RASGRP4: variants seen among roughly 807,000 people sequenced by gnomAD.
RASGRP4 encodes RAS guanyl releasing protein 4.
RASGRP4 carries 52 observed loss-of-function variants against 84.4 expected under a neutral mutation model. The ratio of observed to expected loss-of-function variants is 0.62; its 90% confidence interval spans 0.49 to 0.78. The LOEUF is 0.78. Ranked by LOEUF, RASGRP4 falls within the 30% of genes least tolerant of loss-of-function variation. The probability of loss-of-function intolerance (pLI) is 0.00; values close to 1 mark genes in which losing one functional copy is unlikely to be tolerated. For synonymous variants in RASGRP4, 356 were observed against 359.1 expected, an observed-to-expected ratio of 0.99 and a Z score of 0.10; for missense variants, 760 against 886.9, an observed-to-expected ratio of 0.86 and a Z score of 1.82.
intron 1 of RASGRP4, among the ~76,000 whole-genome samples, chr19:38,425,785 G>C (rs914334804): frequency 1.3e-5 from 2 of 152,180 alleles, no homozygotes; most frequent in African/African-American, 4.8e-5. Context: ...CCCCCAGGGA[G>C]GGCAGAGACA....
In RASGRP4 at chr19:38,410,961, C is replaced by A; in HGVS notation, c.1890G>T (p.Glu630Asp). ...EENHSYTLSL[E>D]PETGCQLRHA... is the part of the protein sequence containing the mutation. ...GGCGAAGCTGGCACCCAGTCTCAGG[C>A]TCCAGGGATAGCGTGTAGGAGTGAT... The change falls in exon 16 of 17, where the codon GAG becomes GAT. Residue 630 changes from glutamate to aspartate, a missense_variant. By Grantham distance (45) the Glu-to-Asp change is conservative. Coordinates refer to ENST00000615439, the MANE Select transcript of RASGRP4 (RefSeq NM_170604.3). 1 of 1,602,986 alleles carries A rather than the reference C, an allele frequency of 6.2e-7. No individual in the cohort carries two copies. The highest frequency in any genetic ancestry group is 1.7e-5 in the Admixed American group (1 of 57,982).
intron 1 of RASGRP4, among the ~76,000 whole-genome samples, chr19:38,425,636 C>A (rs1208588162): frequency 1.3e-5 from 2 of 152,184 alleles, no homozygotes; most frequent in Non-Finnish European, 2.9e-5. Context: ...GTCCTGCAGC[C>A]CCCTGTAGGG....
chr19:38,419,098 A>G (rs1217500475), intron 6 of RASGRP4, among the ~76,000 whole-genome samples: 1 of 152,176 alleles, frequency 6.6e-6, no homozygotes, highest in African/African-American at 2.4e-5. Flanking sequence ...CACACATACA[A>G]TCGGGACAGT....
chr19:38,426,125 T>G lies in RASGRP4; in HGVS notation c.-34A>C, dbSNP rs1011720222. The G allele has an allele frequency of 7.6e-7, 1 of 1,316,600 alleles. No individual in the cohort carries two copies. The highest frequency in any genetic ancestry group is 9.8e-7 in the Non-Finnish European group (1 of 1,023,990). The allele number at this position is 1,316,600 out of a possible 1,614,324, so 81.6% of individuals were successfully genotyped here. A position where few individuals can be genotyped will look rare whatever the true frequency, so the allele number is the denominator to read the frequency against. On this transcript the variant is annotated 5_prime_UTR_variant, in exon 1 of 17. Coordinates refer to ENST00000615439, the MANE Select transcript of RASGRP4 (RefSeq NM_170604.3). Reference sequence around the variant, plus strand: ...CGTGGGGTGAGGAGGCCGGGGGTCTTGCAAGAGTAGGGCTCAGCTCCTCCC... The same window carrying G: ...CGTGGGGTGAGGAGGCCGGGGGTCTGGCAAGAGTAGGGCTCAGCTCCTCCC...
chr19:38,420,021 C>A lies in RASGRP4; in HGVS notation c.510-8G>T. ...GGGCCACCAGGGCTCAGGCTGGGGG[C>A]CAAGAGGGGCAGGGTATTGGAGTGG... On this transcript the variant is annotated splice_polypyrimidine_tract_variant and splice_region_variant and intron_variant, in intron 5 of 16. Transcript: ENST00000615439. 6.2e-7 allele frequency: 1 copy of A among 1,613,152 alleles called. No individual in the cohort carries two copies.
chr19:38,421,071 A>G lies in RASGRP4; in HGVS notation c.314+24T>C, dbSNP rs140972694. Reference sequence around the variant, plus strand: ...CGACTCTGCCCTCTGCCCTCCACCCATAGCTCACAGTCCTGGAGGATATGA... The same window carrying G: ...CGACTCTGCCCTCTGCCCTCCACCCGTAGCTCACAGTCCTGGAGGATATGA... On this transcript the variant is annotated intron_variant, in intron 3 of 16. Transcript: ENST00000615439. The G allele has an allele frequency of 3.1e-4, 504 of 1,610,138 alleles. 3 individuals are homozygous for G. In the East Asian group the frequency reaches 8.9e-3, roughly 28 times the overall value.
At chr19:38,420,035 G>C (rs1480635566) in intron 5 of RASGRP4, 22 bp from the exon 6 acceptor site, 1 of 1,612,104 alleles carries the variant, frequency 6.2e-7, no homozygotes. Flanking sequence ...GAGGGGCAGG[G>C]TATTGGAGTG....
Position 38,417,208 on chromosome 19 carries a change from G to A in RASGRP4, c.838-40C>T. ...ATGCACACAGGGCCGTCACGGGAGG[G>A]AGGGCAAGTCAGGAGTTCAGATGAC... On this transcript the variant is annotated intron_variant, in intron 7 of 16. Transcript: ENST00000615439. This position sits in a 1 kb window ranked among gnomAD's most constrained non-coding sequence, Gnocchi z 5.1. The A allele has an allele frequency of 2.9e-6, 4 of 1,359,756 alleles. No individual in the cohort carries two copies. The highest frequency in any genetic ancestry group is 4.1e-6 in the Non-Finnish European group (4 of 972,236). 84.2% of individuals were successfully genotyped at this position (1,359,756 alleles called of 1,614,324 possible). A position where few individuals can be genotyped will look rare whatever the true frequency, so the allele number is the denominator to read the frequency against.
At chr19:38,421,930 G>C (rs1971769795) in intron 2 of RASGRP4, 39 bp downstream of exon 2, 2 of 1,575,474 alleles carry the variant, frequency 1.3e-6, no homozygotes, top group South Asian at 2.3e-5. Context: ...CTGAGCCCGA[G>C]GTTAGGGCCA....
In RASGRP4 at chr19:38,409,161, C is replaced by G. The variant is rs902653492; in HGVS notation, c.*879G>C. The G allele has an allele frequency of 3.2e-6, 1 of 312,362 alleles. No individual in the cohort carries two copies. Among genetic ancestry groups the G allele is most frequent in the East Asian group, 6.6e-5 (1 of 15,062 alleles). The allele number at this position is 312,362 out of a possible 1,614,324, so 19.3% of individuals were successfully genotyped here. On this transcript the variant is annotated 3_prime_UTR_variant, in exon 17 of 17. Coordinates refer to ENST00000615439, the MANE Select transcript of RASGRP4 (RefSeq NM_170604.3). ...AAGGGGTTGGGGGGGTCTCTGCTCC[C>G]TGGGACTGAATGGGCCCCTGCTGCT...
rs757910257 is a variant in RASGRP4, at chr19:38,420,966, G to C, written c.319C>G (p.Gln107Glu). The change falls in exon 4 of 17, where the codon CAG (glutamine) becomes GAG (glutamate). Residue 107 changes from glutamine (Q) to glutamate (E), a missense_variant. Transcript: ENST00000615439. ...DLAARLLTSY[Q>E]KATGDTQELR... ...TCCTGGGTGTCCCCTGTGGCCTTCT[G>C]GTATTTGAGTTCTGGTCAAGGCTCT... 1 of 1,613,912 alleles carries C rather than the reference G, an allele frequency of 6.2e-7. No homozygotes were observed. The highest frequency in any genetic ancestry group is 8.5e-7 in the Non-Finnish European group (1 of 1,179,840).
In RASGRP4 at chr19:38,419,814, C is replaced by T. The variant is rs1294233202; in HGVS notation, c.663+46G>A. ...TTCCCCCAGCCAATCCCTCCCCTAC[C>T]CCAGTGTCTCCCCTGCTTGGGACGG... On this transcript the variant is annotated intron_variant, in intron 6 of 16. Transcript: ENST00000615439. 5 of 1,533,882 alleles carry T rather than the reference C, an allele frequency of 3.3e-6. No homozygotes were observed. The South Asian group carries it at 4.9e-5, about 15-fold the overall frequency.
rs775252271 is a variant in RASGRP4 at position 38,413,419 on chromosome 19, C to T, written c.1286G>A (p.Arg429Gln). The change falls in exon 10 of 17, where the codon CGG becomes CAG. Residue 429 changes from arginine to glutamine, a missense_variant. Arg to Gln is a conservative substitution (Grantham distance 43). Coordinates refer to ENST00000615439, the MANE Select transcript of RASGRP4 (RefSeq NM_170604.3). The surrounding 1 kb of genome is among the most constrained non-coding windows in gnomAD (Gnocchi z 4.7). ...CAGGCTCTTGGGACAACGCGGCTCC[C>T]GGGCATAAGAAAGCTCATAGATCTC... ...EDEIYELSYA[R>Q]EPRCPKSLPP... The T allele has an allele frequency of 4.4e-6, 7 of 1,607,726 alleles. No homozygotes were observed. Among genetic ancestry groups the T allele is most frequent in the East Asian group, 4.5e-5 (2 of 44,626 alleles).
intron 6 of RASGRP4, among the ~76,000 whole-genome samples, chr19:38,419,609 T>C (rs982813999): frequency 3.9e-5 from 6 of 152,150 alleles, no homozygotes; most frequent in Admixed American, 3.9e-4. Flanking sequence ...AATTTTTGTA[T>C]TTTTAGTAGA....
Position 38,424,616 on chromosome 19 carries a change from TGG to T in RASGRP4, c.23+1451_23+1452del, listed in dbSNP as rs113584388. Among the ~76,000 whole-genome samples the T allele has an allele frequency of 7.7e-3, 846 of 109,546 alleles. 20 individuals carry two copies. The highest frequency in any genetic ancestry group is 0.025 in the African/African-American group (763 of 30,642). 71.9% of individuals were successfully genotyped at this position (109,546 alleles called of 152,430 possible). A position where few individuals can be genotyped will look rare whatever the true frequency, so the allele number is the denominator to read the frequency against. On this transcript the variant is annotated intron_variant, in intron 1 of 16. Coordinates refer to ENST00000615439, the MANE Select transcript of RASGRP4 (RefSeq NM_170604.3). ...GTGTGTGTGTTTGGGTGTGTGTCAA[TGG>T]GGGGGGGGGTCTCACTATATTTCTC...
Position 38,412,912 on chromosome 19 carries a change from A to G in RASGRP4, c.1535+19T>C. On this transcript the variant is annotated intron_variant, in intron 12 of 16. Transcript: ENST00000615439. This position sits in a 1 kb window ranked among gnomAD's most constrained non-coding sequence, Gnocchi z 4.6. Reference sequence around the variant, plus strand: ...CAGTGTCCTCATCTTCGGAGGATCCAGGAGTCACAACCACTTACCCCTGGC... The same window carrying G: ...CAGTGTCCTCATCTTCGGAGGATCCGGGAGTCACAACCACTTACCCCTGGC... The G allele has an allele frequency of 1.9e-6, 3 of 1,613,658 alleles. No homozygotes were observed. The highest frequency in any genetic ancestry group is 2.5e-6 in the Non-Finnish European group (3 of 1,179,532).
rs147903500 is a variant in RASGRP4, at chr19:38,415,107, G to C, written c.971C>G (p.Thr324Ser). ...PDSTKALLEL[T>S]ELLASHNNYA... is the part of the protein sequence containing the mutation. ...GTTGTTGTGGGAGGCAAGGAGCTCA[G>C]TGAGCTCCAGGAGGGCCTGGGGAGG... The change falls in exon 9 of 17, where the codon ACT (threonine) becomes AGT (serine). Residue 324 changes from threonine (T) to serine (S), a missense_variant. Physicochemically the swap from Thr to Ser is moderately conservative, Grantham distance 58 (BLOSUM62 1). Coordinates refer to ENST00000615439, the MANE Select transcript of RASGRP4 (RefSeq NM_170604.3). 29 of 1,597,028 alleles carry C rather than the reference G, an allele frequency of 1.8e-5. No individual in the cohort carries two copies. The East Asian group carries it at 6.3e-4, about 35-fold the overall frequency.
In RASGRP4 at chr19:38,417,140, G is replaced by C; in HGVS notation, c.866C>G (p.Thr289Arg). 6.4e-7 allele frequency: 1 copy of C among 1,562,000 alleles called. No individual in the cohort carries two copies. The highest frequency in any genetic ancestry group is 8.7e-7 in the Non-Finnish European group (1 of 1,152,896). Residue 289 changes from threonine (T) to arginine (R), a missense_variant, in exon 8 of 17, where the codon ACG becomes AGG. Thr to Arg is a moderately conservative substitution (Grantham distance 71, BLOSUM62 -1). Transcript: ENST00000615439. This position sits in a 1 kb window ranked among gnomAD's most constrained non-coding sequence, Gnocchi z 5.1. ...QRLHQLQNFN[T>R]LMAVTGGLCH... ...CAGGCCCCCTGTGACTGCCATCAGC[G>C]TGTTGAAATTCTGCAGCTGGTGGAG...
At chr19:38,410,551 T>A (rs1378880994) in intron 16 of RASGRP4, among the ~76,000 whole-genome samples, 3 of 151,972 alleles carry the variant, frequency 2.0e-5, no homozygotes, top group Non-Finnish European at 4.4e-5. Context: ...TAGCTGGGAC[T>A]ACAGGCACCC....
Sources: gnomAD v4.1 joint callset for allele counts (sites outside exome capture counted in the v4.1 genomes callset) on GRCh38, gnomAD v4.1.1 for gene constraint, Gnocchi (gnomAD v3.1) non-coding constraint, MANE v1.5 for transcripts, NCBI Gene and HGNC (gene_info 2026-07-23, HGNC 2026-07-21) for gene names.